The following MTERF4 variants were observed in gnomAD, a reference collection of about 807,000 sequenced individuals.
MTERF4 encodes mitochondrial transcription termination factor 4.
A neutral mutation model predicts 22.5 loss-of-function variants in MTERF4; 17 were observed. The ratio of observed to expected loss-of-function variants is 0.75; its 90% CI spans 0.52 to 1.13. The LOEUF (loss-of-function observed/expected upper bound fraction) is 1.13, where lower values mean the gene tolerates loss of function less well. Among genes scored for constraint, MTERF4 ranks in the 50% most tolerant of loss-of-function variants. The probability of loss-of-function intolerance (pLI) is 0.00; values close to 1 mark genes in which losing one functional copy is unlikely to be tolerated. For synonymous variants in MTERF4, 165 were observed against 175.3 expected (o/e 0.94, Z 0.47); for missense variants, 420 against 466.8 (o/e 0.90, Z 0.92).
At chr2:241,053,409 A>G in the MTERF4 span, 1 of 1,401,522 alleles carries the variant, frequency 7.1e-7, no homozygotes, top group South Asian at 1.4e-5. Context: ...CAGGGGCTGC[A>G]GGCCCAAGCC....
the MTERF4 span, chr2:241,064,080 C>G: frequency 6.4e-7 from 1 of 1,570,054 alleles, no homozygotes; most frequent in Non-Finnish European, 8.6e-7. This position sits in a 1 kb window ranked among gnomAD's most constrained non-coding sequence, Gnocchi z 7.0. Flanking sequence ...CGGGGCCTAC[C>G]TGTGCGTCTG....
chr2:241,057,412 T>TATATATATATATATATATATATGC, the MTERF4 span, among the ~76,000 whole-genome samples: 1 of 129,382 alleles, frequency 7.7e-6, no homozygotes, highest in African/African-American at 3.0e-5. Flanking sequence ...TATATATATA[T>TATATATATATATATATATATATGC]GCCATACGCA....
chr2:241,067,630 A>T (rs2062515154), downstream of MTERF4: 3 of 657,438 alleles, frequency 4.6e-6, no homozygotes, highest in East Asian at 8.3e-5. Context: ...TTCCCTGAGC[A>T]GTTGATGGGA....
At chr2:241,058,923 C>G in the MTERF4 span, among the ~76,000 whole-genome samples, 1 of 151,514 alleles carries the variant, frequency 6.6e-6, no homozygotes, top group Non-Finnish European at 1.5e-5. Flanking sequence ...GCACTCCAGC[C>G]TGGGTGACAC....
chr2:241,052,635 C>CGGGGTG, the MTERF4 span, among the ~76,000 whole-genome samples: 4 of 88,456 alleles, frequency 4.5e-5, no homozygotes, highest in Non-Finnish European at 8.9e-5. Context: ...GTGAGAGGGC[C>CGGGGTG]GGGGGGCCAA....
chr2:241,071,928 A>T (rs775644770), downstream of MTERF4: 10 of 1,411,552 alleles, frequency 7.1e-6, no homozygotes, highest in East Asian at 2.2e-4. Flanking sequence ...CCTCGTCCTC[A>T]CTGCCACTCT....
At position 241,075,845 on chromosome 2, in the gene MTERF4, A is replaced by G. The variant is rs546311211; in HGVS notation, n.480-163T>C. 1.4e-5 allele frequency among the ~76,000 whole-genome samples: 2 copies of G among 146,854 alleles called. No homozygotes were observed. Among genetic ancestry groups the G allele is most frequent in the Admixed American group, 6.7e-5 (1 of 14,906 alleles). On this transcript the variant is annotated intron_variant and non_coding_transcript_variant, in intron 4 of 4. Coordinates refer to the MTERF4 transcript ENST00000464344. This position sits in a 1 kb window ranked among gnomAD's most constrained non-coding sequence, Gnocchi z 4.8. ...TTTGCTTTTGACCTGTAGGTCATTA[A>G]TCTGTTAGACTGTGTGTGTGTGAGA...
At chr2:241,074,427 G>C (rs768155422) in exon 5 of MTERF4, 1 of 152,180 alleles carries the variant, frequency 6.6e-6, no homozygotes, top group Non-Finnish European at 1.5e-5. Context: ...GAAGACTCTC[G>C]TGTTGATCTT....
downstream of MTERF4, chr2:241,094,304 C>T (rs1218063216): frequency 8.5e-6 from 4 of 469,660 alleles, no homozygotes; most frequent in Non-Finnish European, 1.3e-5. The surrounding 1 kb of genome is among the most constrained non-coding windows in gnomAD (Gnocchi z 4.3). Context: ...AGCAGGAACT[C>T]CTTCCACTGG....
downstream of MTERF4, chr2:241,089,324 G>A: frequency 1.3e-6 from 2 of 1,550,450 alleles, no homozygotes; most frequent in Non-Finnish European, 1.7e-6. Context: ...GCACCCTTGG[G>A]TAACAAGCCA....
At chr2:241,082,462 A>C, downstream of MTERF4, 1 of 840,664 alleles carries the variant, frequency 1.2e-6, no homozygotes, top group Non-Finnish European at 1.9e-6. Flanking sequence ...CTGAGGAGGG[A>C]CGATGGCTGC....
downstream of MTERF4, chr2:241,089,174 A>G (rs1485119296): frequency 1.1e-6 from 1 of 899,274 alleles, no homozygotes; most frequent in Non-Finnish European, 1.7e-6. Context: ...ACCTGTTACC[A>G]GTTTCATACT....
chr2:241,097,499 C>A, intron 2 of MTERF4, 72 bp from the exon 3 acceptor site: 1 of 1,407,314 alleles, frequency 7.1e-7, no homozygotes, highest in Non-Finnish European at 9.7e-7. Flanking sequence ...TAGCTGCACC[C>A]AATTTAAGTC....
the MTERF4 span, chr2:241,049,795 AC>A: frequency 4.6e-4 from 724 of 1,588,776 alleles, 6 homozygotes; most frequent in African/African-American, 8.8e-3. Flanking sequence ...CTCCAGGACC[AC>A]CCTCTGTCCC....
chr2:241,063,520 A>C, the MTERF4 span: 1 of 1,009,124 alleles, frequency 9.9e-7, no homozygotes, highest in Non-Finnish European at 1.5e-6. Context: ...AATGCACGGA[A>C]TCCTGGGGGC....
intron 2 of MTERF4, 50 bp from the exon 3 acceptor site, chr2:241,097,477 A>C: frequency 1.3e-6 from 2 of 1,559,072 alleles, no homozygotes; most frequent in Non-Finnish European, 1.7e-6. Context: ...ATACTCCAGA[A>C]ACTCAAGGAG....
chr2:241,047,835 C>T, the MTERF4 span, among the ~76,000 whole-genome samples: 1 of 151,606 alleles, frequency 6.6e-6, no homozygotes, highest in Admixed American at 6.6e-5. Context: ...TTCTCTGGTG[C>T]TTCTTGTTCT....
chr2:241,071,701 A>ACCCCCCCCCCCCCCCCCC, downstream of MTERF4: 1 of 1,281,800 alleles, frequency 7.8e-7, no homozygotes, highest in East Asian at 2.7e-5. Context: ...CGCCCCCGAG[A>ACCCCCCCCCCCCCCCCCC]CCCCCACCCA....
Position 241,096,617 on chromosome 2 carries a change from T to C in MTERF4, c.706-179A>G. 1 of 744,018 alleles carries C rather than the reference T, an allele frequency of 1.3e-6. No homozygotes were observed. Among genetic ancestry groups the C allele is most frequent in the South Asian group, 1.5e-5 (1 of 67,596 alleles). 46.1% of individuals were successfully genotyped at this position (744,018 alleles called of 1,614,324 possible). On this transcript the variant is annotated intron_variant, in intron 3 of 3. Coordinates refer to ENST00000391980, the MANE Select transcript of MTERF4 (RefSeq NM_182501.4). This position sits in a 1 kb window ranked among gnomAD's most constrained non-coding sequence, Gnocchi z 5.1. ...TGACAGCCAGCAGTTTCAAAACACT[T>C]TCAAATTCATCCTGAGAAACATGGA...
Sources: allele counts gnomAD v4.1 joint callset (sites outside exome capture counted in the v4.1 genomes callset), GRCh38; gene constraint gnomAD v4.1.1; non-coding constraint Gnocchi (gnomAD v3.1); transcripts MANE v1.5; gene names NCBI Gene and HGNC (gene_info 2026-07-23, HGNC 2026-07-21).